SUGCT: variants seen among roughly 807,000 people sequenced by gnomAD.
SUGCT encodes the protein succinyl-CoA:glutarate-CoA transferase.
In SUGCT, 41 loss-of-function variants were observed where a neutral mutation model predicts 55.0. That is an observed-to-expected ratio of 0.74 (90% CI 0.58 to 0.97). SUGCT has a LOEUF of 0.97. Ranked by LOEUF, SUGCT falls within the 50% of genes least tolerant of loss-of-function variation. SUGCT has a pLI of 0.00. For synonymous variants in SUGCT, 187 were observed against 200.4 expected (o/e 0.93, Z 0.56); for missense variants, 568 against 547.8 (o/e 1.04, Z -0.37).
chr7:40,283,123 G>A (rs1447390436), intron 8 of SUGCT, among the ~76,000 whole-genome samples: 2 of 151,996 alleles, frequency 1.3e-5, no homozygotes, highest in African/African-American at 2.4e-5. Flanking sequence ...GAAAATATTT[G>A]CAAAGCATAT....
At chr7:40,930,170 A>T in the SUGCT span, among the ~76,000 whole-genome samples, 12 of 152,282 alleles carry the variant, frequency 7.9e-5, 1 homozygote, top group South Asian at 2.3e-3. Flanking sequence ...CCATTTATTA[A>T]ATAGGGAATC....
At chr7:40,147,180 C>T (rs2150593145) in intron 1 of SUGCT, among the ~76,000 whole-genome samples, 1 of 152,178 alleles carries the variant, frequency 6.6e-6, no homozygotes, top group Admixed American at 6.5e-5. Flanking sequence ...GGGGAGGGAC[C>T]AGCAGGAGTG....
At chr7:40,444,076 G>A (rs1358622687) in intron 9 of SUGCT, among the ~76,000 whole-genome samples, 1 of 152,162 alleles carries the variant, frequency 6.6e-6, no homozygotes, top group East Asian at 1.9e-4. Context: ...TGTTCCATTG[G>A]TCTATATCTC....
chr7:40,646,856 T>C (rs35785820), intron 12 of SUGCT, among the ~76,000 whole-genome samples: 4,273 of 152,300 alleles, frequency 0.028, 170 homozygotes, highest in African/African-American at 0.099. Flanking sequence ...TGCAATTTTG[T>C]TCAGCATCTA....
chr7:40,630,937 A>G (rs766326425), intron 12 of SUGCT, among the ~76,000 whole-genome samples: 27 of 152,140 alleles, frequency 1.8e-4, no homozygotes, highest in Non-Finnish European at 3.4e-4. Flanking sequence ...ATCTTATGAT[A>G]TGGGTGTCAG....
rs181212116 is a variant in SUGCT at position 40,190,601 on chromosome 7, A to G, written c.363+1007A>G. Among the ~76,000 whole-genome samples the G allele has an allele frequency of 2.0e-3, 304 of 152,232 alleles. 1 individual carries two copies. Among genetic ancestry groups the G allele is most frequent in the Admixed American group, 3.8e-3 (58 of 15,288 alleles). ...GTTAGAATTGAGTTAGTCTTTGTAA[A>G]ATGTGTAGACGAGTGCTTGCCACAT... On this transcript the variant is annotated intron_variant, in intron 5 of 13. Transcript: ENST00000335693.
At chr7:40,176,961 CAAAA>C (rs4051102) in intron 1 of SUGCT, among the ~76,000 whole-genome samples, 16 of 100,278 alleles carry the variant, frequency 1.6e-4, no homozygotes, top group African/African-American at 1.1e-4. Flanking sequence ...ACTCCGTCTC[CAAAA>C]AAAAAAAAAA....
the SUGCT span, among the ~76,000 whole-genome samples, chr7:40,988,870 T>C: frequency 1.4e-5 from 2 of 143,366 alleles, no homozygotes; most frequent in Non-Finnish European, 3.0e-5. Context: ...TAAATATATT[T>C]CTAGCACATT....
intron 9 of SUGCT, among the ~76,000 whole-genome samples, chr7:40,360,982 TA>T (rs1282782905): frequency 6.6e-6 from 1 of 152,104 alleles, no homozygotes; most frequent in Non-Finnish European, 1.5e-5. Context: ...CAAGATCTAT[TA>T]AGGAGTTATA....
chr7:40,661,274 GA>G (rs1309132694), intron 12 of SUGCT, among the ~76,000 whole-genome samples: 1 of 152,098 alleles, frequency 6.6e-6, no homozygotes, highest in Non-Finnish European at 1.5e-5. Context: ...ATGTTACACT[GA>G]AAAGTGATTC....
At position 40,415,047 on chromosome 7, in the gene SUGCT, A is replaced by C. The variant is rs1234565069; in HGVS notation, c.817-34240A>C. On this transcript the variant is annotated intron_variant, in intron 9 of 13. Coordinates refer to ENST00000335693, the MANE Select transcript of SUGCT (RefSeq NM_001193313.2). ...GTGACAGAGCCACACTCTGTCACAAAAAAAAAAAAAAAAAATCTATCTATC... is the reference window on the plus strand; with the variant it reads ...GTGACAGAGCCACACTCTGTCACAACAAAAAAAAAAAAAAATCTATCTATC... Among the ~76,000 whole-genome samples the C allele has an allele frequency of 4.9e-5, 6 of 121,446 alleles. No homozygotes were observed. In the South Asian group the frequency reaches 1.7e-3, roughly 35 times the overall value. 79.7% of individuals were successfully genotyped at this position (121,446 alleles called of 152,430 possible). A position where few individuals can be genotyped will look rare whatever the true frequency, so the allele number is the denominator to read the frequency against.
chr7:40,655,602 T>TGC (rs1245870672), intron 12 of SUGCT, among the ~76,000 whole-genome samples: 4 of 152,216 alleles, frequency 2.6e-5, no homozygotes, highest in Non-Finnish European at 5.9e-5. Flanking sequence ...CAGGATATTC[T>TGC]TTAATGCCAG....
At chr7:40,913,988 T>G in the SUGCT span, among the ~76,000 whole-genome samples, 6 of 151,322 alleles carry the variant, frequency 4.0e-5, no homozygotes, top group Admixed American at 3.9e-4. Context: ...TGCAGAACAA[T>G]AATCCTATCA....
At chr7:40,868,578 G>A in the SUGCT span, among the ~76,000 whole-genome samples, 2 of 152,136 alleles carry the variant, frequency 1.3e-5, no homozygotes, top group Admixed American at 1.3e-4. Context: ...GTGAGCGCTT[G>A]CTCTGTCATC....
At position 40,749,761 on chromosome 7, in the gene SUGCT, C is replaced by T. The variant is rs116373900; in HGVS notation, c.1153+264C>T. ...TTCTTAATTCCATTTTGTGTAATCACGTGCTCACAAAAGTACATCATGTAA... is the reference window on the plus strand; with the variant it reads ...TTCTTAATTCCATTTTGTGTAATCATGTGCTCACAAAAGTACATCATGTAA... On this transcript the variant is annotated intron_variant, in intron 13 of 13. Transcript: ENST00000335693. Among the ~76,000 whole-genome samples, 1,070 of 152,258 alleles carry T rather than the reference C, an allele frequency of 7.0e-3. 11 individuals are homozygous for T. Among genetic ancestry groups the T allele is most frequent in the African/African-American group, 0.024 (1,015 of 41,544 alleles).
chr7:40,399,345 A>T (rs1785932686), intron 9 of SUGCT, among the ~76,000 whole-genome samples: 1 of 152,182 alleles, frequency 6.6e-6, no homozygotes. Flanking sequence ...ATGAGGAAGA[A>T]ATTAAGACTC....
chr7:40,986,787 G>A, the SUGCT span, among the ~76,000 whole-genome samples: 1 of 152,054 alleles, frequency 6.6e-6, no homozygotes, highest in African/African-American at 2.4e-5. Context: ...CATCAACAAC[G>A]AGGAATGTTT....
intron 9 of SUGCT, among the ~76,000 whole-genome samples, chr7:40,339,695 G>T (rs1008901826): frequency 6.6e-6 from 1 of 152,318 alleles, no homozygotes; most frequent in African/African-American, 2.4e-5. Flanking sequence ...TGCGCTTCCT[G>T]GGTGAGGTGA....
chr7:40,959,622 T>A, the SUGCT span, among the ~76,000 whole-genome samples: 14 of 152,114 alleles, frequency 9.2e-5, no homozygotes, highest in African/African-American at 2.9e-4. Context: ...TGGGATCTCC[T>A]GAGCAAGACC....
Sources: allele counts gnomAD v4.1 joint callset (sites outside exome capture counted in the v4.1 genomes callset), GRCh38; gene constraint gnomAD v4.1.1; transcripts MANE v1.5; gene names NCBI Gene and HGNC (gene_info 2026-07-23, HGNC 2026-07-21).